PLB1: variants seen among roughly 807,000 people sequenced by gnomAD.
The protein encoded by PLB1 is phospholipase B1.
A neutral mutation model predicts 227.4 loss-of-function variants in PLB1; 242 were observed. The observed-to-expected ratio is 1.06, with a 90% confidence interval of 0.96 to 1.18. PLB1 has a LOEUF of 1.18. PLB1 is among the 50% of genes most tolerant of loss of function. The pLI, the probability that PLB1 is intolerant of heterozygous loss-of-function variation, is 0.00. For missense variants in PLB1, 1,858 were observed against 1,816.3 expected (o/e 1.02, Z -0.42); for synonymous variants, 757 against 682.2 (o/e 1.11, Z -1.71).
intron 17 of PLB1, among the ~76,000 whole-genome samples, chr2:28,558,152 GTC>G (rs1186580927): frequency 2.4e-5 from 2 of 84,798 alleles, no homozygotes; most frequent in South Asian, 5.2e-4. Context: ...GGGTGTGTGT[GTC>G]TCTGTGTGTG....
At chr2:28,586,524 C>G (rs1000002857) in intron 26 of PLB1, among the ~76,000 whole-genome samples, 1 of 152,152 alleles carries the variant, frequency 6.6e-6, no homozygotes, top group African/African-American at 2.4e-5. Context: ...TTCTTCTAGA[C>G]TAGGCTGCAA....
At chr2:28,563,005 G>A (rs1475437425) in intron 17 of PLB1, 36 bp from the exon 18 acceptor site, 5 of 1,580,812 alleles carry the variant, frequency 3.2e-6, no homozygotes, top group Non-Finnish European at 4.3e-6. Flanking sequence ...TTTCCTGGAA[G>A]CCCCATTTTC....
intron 15 of PLB1, 57 bp from the exon 16 acceptor site, chr2:28,549,953 A>G: frequency 6.9e-7 from 1 of 1,449,904 alleles, no homozygotes. Flanking sequence ...GAAGCCTGAT[A>G]ATTAAGGGAT....
At chr2:28,597,861 C>T in intron 33 of PLB1, 144 bp from the exon 34 acceptor site, 1 of 779,954 alleles carries the variant, frequency 1.3e-6, no homozygotes, top group South Asian at 1.5e-5. Context: ...CTCAGAATTC[C>T]TCAAACTCAG....
intron 40 of PLB1, 107 bp from the exon 41 acceptor site, chr2:28,604,548 G>C: frequency 1.3e-6 from 1 of 747,718 alleles, no homozygotes; most frequent in Non-Finnish European, 2.2e-6. Context: ...AGGCTGAGTC[G>C]GCCCCTCCAT....
chr2:28,593,797 A>C (rs1485974946), intron 33 of PLB1, 43 bp downstream of exon 33: 1 of 1,531,078 alleles, frequency 6.5e-7, no homozygotes, highest in South Asian at 1.1e-5. Flanking sequence ...CCCCCACAAC[A>C]GAGATTAGGT....
Position 28,593,760 on chromosome 2 carries a change from G to A in PLB1, c.2321+6G>A. 2 of 1,612,844 alleles carry A rather than the reference G, an allele frequency of 1.2e-6. No homozygotes were observed. The highest frequency in any genetic ancestry group is 1.7e-4 in the Middle Eastern group (1 of 6,060). ...TATCGGGGACTGTCATACAGGTAAT[G>A]TTAACCTTTGACCTCTCCCAGCGTT... On this transcript the variant is annotated splice_donor_region_variant and intron_variant, in intron 33 of 57. Transcript: ENST00000327757.
intron 51 of PLB1, 67 bp downstream of exon 51, chr2:28,626,575 C>G: frequency 7.1e-7 from 1 of 1,404,742 alleles, no homozygotes; most frequent in Non-Finnish European, 1.0e-6. Context: ...ACATCCTTGC[C>G]CATCCATCCC....
At chr2:28,513,276 G>A (rs1056293858) in intron 1 of PLB1, among the ~76,000 whole-genome samples, 1 of 152,214 alleles carries the variant, frequency 6.6e-6, no homozygotes, top group Non-Finnish European at 1.5e-5. Context: ...AGTTAGGGAG[G>A]AACAGATCAC....
chr2:28,527,613 G>A (rs1670447041), intron 6 of PLB1, among the ~76,000 whole-genome samples: 1 of 152,204 alleles, frequency 6.6e-6, no homozygotes, highest in South Asian at 2.1e-4. Context: ...GTGTCAGGGA[G>A]GTAAATGGAC....
At chr2:28,564,939 A>G (rs557284911) in intron 18 of PLB1, among the ~76,000 whole-genome samples, 1 of 152,326 alleles carries the variant, frequency 6.6e-6, no homozygotes, top group African/African-American at 2.4e-5. Context: ...CACAACTTTA[A>G]AAAAATGAGA....
At chr2:28,546,509 G>GT (rs990305240) in intron 14 of PLB1, among the ~76,000 whole-genome samples, 2 of 152,182 alleles carry the variant, frequency 1.3e-5, no homozygotes, top group African/African-American at 4.8e-5. Flanking sequence ...GCAGAGTGGG[G>GT]TGGAAGCCCA....
In PLB1 at chr2:28,506,075, A is replaced by G. The variant is rs138298114; in HGVS notation, c.55+9906A>G. 2.0e-5 allele frequency among the ~76,000 whole-genome samples: 3 copies of G among 152,268 alleles called. No homozygotes were observed. In the East Asian group the frequency reaches 5.8e-4, roughly 29 times the overall value. ...GACTTTATTGTCAATCATCATTTCC[A>G]TCAAGTTGCATTTTTGTTACTGTCA... On this transcript the variant is annotated intron_variant, in intron 1 of 57. Coordinates refer to ENST00000327757, the MANE Select transcript of PLB1 (RefSeq NM_153021.5).
chr2:28,558,253 G>A (rs1228067140), intron 17 of PLB1, among the ~76,000 whole-genome samples: 1 of 151,942 alleles, frequency 6.6e-6, no homozygotes, highest in African/African-American at 2.4e-5. Context: ...TTAGCAAACT[G>A]TAATGATAAT....
At chr2:28,561,314 A>C (rs888725078) in intron 17 of PLB1, among the ~76,000 whole-genome samples, 18 of 24,388 alleles carry the variant, frequency 7.4e-4, no homozygotes, top group African/African-American at 1.3e-3. Flanking sequence ...CGGAATGCTC[A>C]AACTCAAAAG....
chr2:28,539,825 G>C (rs1328460770), intron 11 of PLB1, among the ~76,000 whole-genome samples: 1 of 151,862 alleles, frequency 6.6e-6, no homozygotes, highest in East Asian at 1.9e-4. Flanking sequence ...TGAGCGGGGA[G>C]GAGGAGGACT....
intron 35 of PLB1, 96 bp from the exon 36 acceptor site, chr2:28,600,713 G>T (rs750758617): frequency 6.1e-6 from 7 of 1,138,328 alleles, no homozygotes; most frequent in Non-Finnish European, 6.5e-6. Flanking sequence ...TCATGCAGTG[G>T]GGATGATACT....
Position 28,591,121 on chromosome 2 carries a change from C to A in PLB1, c.2089-12C>A, listed in dbSNP as rs754114805. 105 of 1,614,076 alleles carry A rather than the reference C, an allele frequency of 6.5e-5. No homozygotes were observed. The highest frequency in any genetic ancestry group is 8.6e-5 in the Non-Finnish European group (101 of 1,180,022). Reference sequence around the variant, plus strand: ...GAATTTGCTGCCATTGCTCACCCCCCTCTCCTCACAGGTCCAGCCGTTTCT... The same window carrying A: ...GAATTTGCTGCCATTGCTCACCCCCATCTCCTCACAGGTCCAGCCGTTTCT... On this transcript the variant is annotated splice_polypyrimidine_tract_variant and intron_variant, in intron 29 of 57. Transcript: ENST00000327757.
intron 20 of PLB1, among the ~76,000 whole-genome samples, chr2:28,572,050 T>C (rs1018173976): frequency 6.6e-6 from 1 of 152,194 alleles, no homozygotes; most frequent in East Asian, 1.9e-4. Flanking sequence ...CTAGAAATTA[T>C]AAAGAACTCT....
Sources: allele counts gnomAD v4.1 joint callset (sites outside exome capture counted in the v4.1 genomes callset), GRCh38; gene constraint gnomAD v4.1.1; transcripts MANE v1.5; gene names NCBI Gene and HGNC (gene_info 2026-07-23, HGNC 2026-07-21).